The following LRRC9 variants were observed in gnomAD, a reference collection of about 807,000 sequenced individuals.
The protein encoded by LRRC9 is leucine rich repeat containing 9.
LRRC9 carries 122 observed loss-of-function variants against 63.2 expected under a neutral mutation model. The observed-to-expected ratio is 1.93, with a 90% CI of 1.67 to 2.24. The LOEUF is 2.24. Ranked by LOEUF, LRRC9 falls within the 30% of genes most tolerant of loss-of-function variation. The pLI is 0.00. For synonymous variants in LRRC9, 366 were observed against 213.1 expected (o/e 1.72, Z -6.25); for missense variants, 1,071 against 627.7 (o/e 1.71, Z -7.55).
chr14:59,984,745 G>A (rs756518375), intron 16 of LRRC9, among the ~76,000 whole-genome samples: 2 of 151,992 alleles, frequency 1.3e-5, no homozygotes, highest in Non-Finnish European at 2.9e-5. Context: ...AATCTTTAGG[G>A]TCTCCATTGT....
At chr14:60,043,633 T>C (rs1474527889) in intron 29 of LRRC9, among the ~76,000 whole-genome samples, 1 of 152,172 alleles carries the variant, frequency 6.6e-6, no homozygotes, top group Non-Finnish European at 1.5e-5. Context: ...ATCCCTGAGA[T>C]GAATCCCACC....
chr14:59,971,460 C>T (rs762703835), intron 12 of LRRC9, among the ~76,000 whole-genome samples: 7 of 151,946 alleles, frequency 4.6e-5, no homozygotes, highest in Non-Finnish European at 7.4e-5. Context: ...TTTCTAGTTC[C>T]GTGAAGAATG....
chr14:60,023,070 A>G (rs1357580744), intron 27 of LRRC9, among the ~76,000 whole-genome samples, 200 bp downstream of exon 27: 1 of 152,018 alleles, frequency 6.6e-6, no homozygotes, highest in Non-Finnish European at 1.5e-5. Context: ...CAGTATTCTG[A>G]GAATATATAT....
At chr14:59,987,923 A>G (rs761197053) in intron 17 of LRRC9, among the ~76,000 whole-genome samples, 2 of 152,236 alleles carry the variant, frequency 1.3e-5, no homozygotes, top group Admixed American at 6.5e-5. Flanking sequence ...AGTTTTCAAG[A>G]TAATGAATTT....
At chr14:59,985,204 T>A in exon 17 of LRRC9, 1 of 682,394 alleles carries the variant, frequency 1.5e-6, no homozygotes, top group Non-Finnish European at 2.7e-6. Flanking sequence ...ATTTACCTGT[T>A]TAGATGATGT....
At chr14:59,941,216 T>C (rs1881726323) in intron 7 of LRRC9, among the ~76,000 whole-genome samples, 1 of 151,924 alleles carries the variant, frequency 6.6e-6, no homozygotes, top group Non-Finnish European at 1.5e-5. Context: ...AAGTTGAAAC[T>C]ATGGTAAGAT....
At chr14:60,050,863 AGACCCTAATT>A (rs1893836960) in intron 29 of LRRC9, among the ~76,000 whole-genome samples, 1 of 152,202 alleles carries the variant, frequency 6.6e-6, no homozygotes, top group Non-Finnish European at 1.5e-5. Flanking sequence ...GGTCCACCGC[AGACCCTAATT>A]GCCTCCATTT....
chr14:59,952,389 G>A lies in LRRC9; in HGVS notation c.883-7429G>A, dbSNP rs144508198. ...ACGGTGCGCGCACCCACTGGCCTGC[G>A]CCCACTGTCTGGCACTCCCTAGTGA... On this transcript the variant is annotated intron_variant, in intron 8 of 31. Coordinates refer to ENST00000445360, the Ensembl canonical transcript of LRRC9. 0.017 allele frequency among the ~76,000 whole-genome samples: 2,536 copies of A among 152,166 alleles called. 101 individuals carry two copies. In the East Asian group the frequency reaches 0.18, roughly 11 times the overall value.
chr14:60,034,711 T>G (rs925839442), intron 29 of LRRC9, among the ~76,000 whole-genome samples: 2 of 152,232 alleles, frequency 1.3e-5, no homozygotes, highest in Non-Finnish European at 2.9e-5. Context: ...TGTTCCATTG[T>G]GTAGCTATAC....
chr14:60,016,618 A>G (rs949451171), intron 23 of LRRC9, 42 bp from the exon 24 acceptor site: 1 of 648,392 alleles, frequency 1.5e-6, no homozygotes, highest in Non-Finnish European at 2.8e-6. Flanking sequence ...TAATTTAGTC[A>G]TCTGTAAGAC....
chr14:60,031,889 T>C lies in LRRC9; in HGVS notation c.3922-106T>C. 1.6e-6 allele frequency: 1 copy of C among 621,872 alleles called. No individual in the cohort carries two copies. Among genetic ancestry groups the C allele is most frequent in the Non-Finnish European group, 2.9e-6 (1 of 348,548 alleles). 38.5% of individuals were successfully genotyped at this position (621,872 alleles called of 1,614,324 possible). On this transcript the variant is annotated intron_variant, in intron 28 of 31. Transcript: ENST00000445360. The surrounding 1 kb of genome is among the most constrained non-coding windows in gnomAD (Gnocchi z 4.6). Reference sequence around the variant, plus strand: ...AAGCTCACTTCAGAGAATTCAATCATGAGCTAGCTGCAAACTAACACTTAC... The same window carrying C: ...AAGCTCACTTCAGAGAATTCAATCACGAGCTAGCTGCAAACTAACACTTAC...
At chr14:60,013,569 G>C (rs1157669481) in intron 23 of LRRC9, among the ~76,000 whole-genome samples, 1 of 151,958 alleles carries the variant, frequency 6.6e-6, no homozygotes, top group Non-Finnish European at 1.5e-5. Context: ...GGGGACTCTA[G>C]CTTCAAATAT....
chr14:59,956,815 G>C (rs1055817923), intron 8 of LRRC9, among the ~76,000 whole-genome samples: 9 of 151,966 alleles, frequency 5.9e-5, no homozygotes, highest in Non-Finnish European at 8.8e-5. Context: ...CTCTTGTAAG[G>C]CAGGCCTGGT....
chr14:60,014,556 A>G (rs1338430096), intron 23 of LRRC9, among the ~76,000 whole-genome samples: 1 of 152,068 alleles, frequency 6.6e-6, no homozygotes, highest in African/African-American at 2.4e-5. Context: ...CTCTTTCACC[A>G]CTTGAAAATG....
Position 59,977,568 on chromosome 14 carries a change from TTGTG to T in LRRC9, c.1762+253_1762+256del, listed in dbSNP as rs150262478. 8.4e-3 allele frequency among the ~76,000 whole-genome samples: 1,212 copies of T among 144,582 alleles called. 6 individuals are homozygous for T. Among genetic ancestry groups the T allele is most frequent in the Middle Eastern group, 0.025 (7 of 278 alleles). The allele number at this position is 144,582 out of a possible 152,430, so 94.9% of individuals were successfully genotyped here. A position where few individuals can be genotyped will look rare whatever the true frequency, so the allele number is the denominator to read the frequency against. On this transcript the variant is annotated intron_variant, in intron 14 of 31. Transcript: ENST00000445360. ...GGCAAATTTTAATGTAATTATGTAT[TTGTG>T]TGTGTGTGTGTGTGTGTGTGTGTGT...
intron 23 of LRRC9, among the ~76,000 whole-genome samples, chr14:60,011,381 T>C (rs796700126): frequency 5.1e-4 from 78 of 152,286 alleles, no homozygotes; most frequent in African/African-American, 1.7e-3. Context: ...AAGTGGATTA[T>C]TACAATTCAA....
At chr14:59,956,278 T>C (rs1033221799) in intron 8 of LRRC9, among the ~76,000 whole-genome samples, 1 of 152,146 alleles carries the variant, frequency 6.6e-6, no homozygotes, top group African/African-American at 2.4e-5. Context: ...TCTAAGTCTC[T>C]TTGTAGATCT....
intron 1 of LRRC9, among the ~76,000 whole-genome samples, chr14:59,926,745 T>C (rs554855130): frequency 7.2e-5 from 11 of 152,288 alleles, no homozygotes; most frequent in Non-Finnish European, 1.2e-4. Context: ...TTGTTCAACA[T>C]TTGTTTACGT....
At chr14:59,946,671 C>G (rs897733075) in intron 8 of LRRC9, among the ~76,000 whole-genome samples, 1 of 140,944 alleles carries the variant, frequency 7.1e-6, no homozygotes, top group Non-Finnish European at 1.5e-5. Flanking sequence ...CACTCCTCAC[C>G]ACAGTCCCCA....
Sources: allele counts gnomAD v4.1 joint callset (sites outside exome capture counted in the v4.1 genomes callset), GRCh38; gene constraint gnomAD v4.1.1; non-coding constraint Gnocchi (gnomAD v3.1); transcripts MANE v1.5; gene names NCBI Gene and HGNC (gene_info 2026-07-23, HGNC 2026-07-21).